The following ATF7 variants were observed in gnomAD, a reference collection of about 807,000 sequenced individuals.
The protein encoded by ATF7 is cyclic AMP-dependent transcription factor ATF-7.
Under a neutral mutation model 50.4 loss-of-function variants are expected in ATF7, and 10 were observed. The observed-to-expected ratio is 0.20, with a 90% CI of 0.12 to 0.34. The LOEUF (loss-of-function observed/expected upper bound fraction) is 0.34, where lower values mean the gene tolerates loss of function less well. Ranked by LOEUF, ATF7 falls within the 10% of genes least tolerant of loss-of-function variation. ATF7 has a pLI of 1.00. For synonymous variants in ATF7, 201 were observed against 226.4 expected (o/e 0.89, Z 1.01); for missense variants, 465 against 613.9 (o/e 0.76, Z 2.56).
chr12:53,531,727 G>A lies in ATF7; in HGVS notation c.927+17C>T, dbSNP rs973666623. The A allele has an allele frequency of 3.7e-6, 6 of 1,604,318 alleles. No individual in the cohort carries two copies. Among genetic ancestry groups the A allele is most frequent in the Non-Finnish European group, 5.1e-6 (6 of 1,175,624 alleles). Reference sequence around the variant, plus strand: ...ATACGTCATAAAGATATGACATAAAGAGTAAGAGCCACTGACCTGTGGCTG... The same window carrying A: ...ATACGTCATAAAGATATGACATAAAAAGTAAGAGCCACTGACCTGTGGCTG... On this transcript the variant is annotated intron_variant, in intron 9 of 11. Coordinates refer to ENST00000420353, the MANE Select transcript of ATF7 (RefSeq NM_006856.3).
chr12:53,543,801 C>A (rs1939714121), intron 3 of ATF7: 2 of 208,368 alleles, frequency 9.6e-6, no homozygotes, highest in Admixed American at 1.1e-4. Flanking sequence ...GATTTGAAAA[C>A]CAAGTATAGT....
chr12:53,587,843 A>ATATATATATATATATATATATTT, intron 2 of ATF7, among the ~76,000 whole-genome samples: 37 of 61,530 alleles, frequency 6.0e-4, no homozygotes, highest in South Asian at 7.4e-4. Flanking sequence ...ATATATATAT[A>ATATATATATATATATATATATTT]TTTTTTTTTT....
chr12:53,550,335 T>TA (rs1565944418), intron 3 of ATF7, among the ~76,000 whole-genome samples: 5 of 109,750 alleles, frequency 4.6e-5, no homozygotes, highest in African/African-American at 1.3e-4. Context: ...AAAAAAAAAA[T>TA]AAATAAATAA....
rs570646933 is a variant in ATF7, at chr12:53,513,223, C to T, written c.*3914G>A. On this transcript the variant is annotated 3_prime_UTR_variant, in exon 12 of 12. Transcript: ENST00000420353. The stretch of plus-strand genomic sequence containing the variant: ...TTTCTCATTCTGGGGTAGGACTTTA[C>T]CCCAAAGAGAGACAACACAGCTGAT... 1 of 152,194 alleles carries T rather than the reference C, an allele frequency of 6.6e-6. No individual in the cohort carries two copies. The highest frequency in any genetic ancestry group is 1.5e-5 in the Non-Finnish European group (1 of 68,038). 9.4% of individuals were successfully genotyped at this position (152,194 alleles called of 1,614,324 possible).
At chr12:53,575,548 C>G in intron 2 of ATF7, 1 of 148,392 alleles carries the variant, frequency 6.7e-6, no homozygotes, top group East Asian at 2.1e-4. Context: ...TGCACTCCAG[C>G]CTGGGCAACA....
chr12:53,546,515 C>A (rs1939928146), intron 3 of ATF7, among the ~76,000 whole-genome samples: 1 of 150,368 alleles, frequency 6.7e-6, no homozygotes, highest in South Asian at 2.1e-4. Flanking sequence ...GCAATGTGAT[C>A]TCGGCTCACT....
At chr12:53,532,330 T>C (rs972636759) in intron 8 of ATF7, among the ~76,000 whole-genome samples, 180 bp downstream of exon 8, 2 of 151,902 alleles carry the variant, frequency 1.3e-5, no homozygotes, top group African/African-American at 4.8e-5. Flanking sequence ...GCTCTAAAGG[T>C]GGGGAGAGGA....
rs570482405 is a variant in ATF7 at position 53,537,470 on chromosome 12, G to A, written c.347C>T (p.Ser116Leu). 6.2e-6 allele frequency: 10 copies of A among 1,613,786 alleles called. No homozygotes were observed. Among genetic ancestry groups the A allele is most frequent in the South Asian group, 3.3e-5 (3 of 91,068 alleles). Residue 116 changes from serine (S) to leucine (L), a missense_variant, in exon 5 of 12, where the codon TCA (serine) becomes TTA (leucine). Transcript: ENST00000420353. ...AGAGGCAGGGCTATCAGGTGGGGAT[G>A]AGTCTACCTCCACTGGCTCTTCTTC... The part of the protein sequence containing the change: ...IKEEEPVEVD[S>L]SPPDSPASSP...
At chr12:53,511,250 C>T (rs1425782353), downstream of ATF7, among the ~76,000 whole-genome samples, 1 of 152,172 alleles carries the variant, frequency 6.6e-6, no homozygotes, top group Non-Finnish European at 1.5e-5. Context: ...CTTGTGAACT[C>T]TTACCTGCTT....
chr12:53,535,816 T>C (rs536507837), intron 5 of ATF7, among the ~76,000 whole-genome samples: 4 of 152,260 alleles, frequency 2.6e-5, no homozygotes, highest in East Asian at 3.9e-4. Flanking sequence ...CACTTATTAA[T>C]TGAAGTATAA....
chr12:53,523,304 T>C lies in ATF7; in HGVS notation c.1206A>G (p.Ala402=), dbSNP rs1383022732. Residue 402 remains alanine, a synonymous_variant, in exon 11 of 12, where the codon GCA becomes GCG. Transcript: ENST00000420353. ...LLAHKDCPVT[A]LQKKTQGYLE... is the part of the protein sequence containing the mutation. The stretch of plus-strand genomic sequence containing the variant: ...AATAGCCTTGAGTCTTTTTCTGTAG[T>C]GCAGTGACTGGGCAGTCTTTATGAG... The C allele has an allele frequency of 1.2e-6, 2 of 1,613,770 alleles. No homozygotes were observed. The highest frequency in any genetic ancestry group is 1.3e-5 in the African/African-American group (1 of 74,938).
intron 1 of ATF7, among the ~76,000 whole-genome samples, chr12:53,607,563 G>T (rs564517440): frequency 4.0e-5 from 6 of 151,712 alleles, no homozygotes; most frequent in South Asian, 4.2e-4. Flanking sequence ...ATAAATTAAG[G>T]TACTGCCTTA....
intron 2 of ATF7, among the ~76,000 whole-genome samples, chr12:53,562,070 T>C (rs1941155835): frequency 6.6e-6 from 1 of 152,242 alleles, no homozygotes; most frequent in Admixed American, 6.5e-5. Flanking sequence ...GCTGTTGGAA[T>C]ATCTTAAAGA....
At chr12:53,587,843 A>ATATATATATTTT in intron 2 of ATF7, among the ~76,000 whole-genome samples, 78 of 61,536 alleles carry the variant, frequency 1.3e-3, no homozygotes, top group African/African-American at 1.8e-3. Flanking sequence ...ATATATATAT[A>ATATATATATTTT]TTTTTTTTTT....
intron 2 of ATF7, among the ~76,000 whole-genome samples, chr12:53,572,727 G>A (rs1159060207): frequency 6.6e-6 from 1 of 151,974 alleles, no homozygotes; most frequent in Non-Finnish European, 1.5e-5. Flanking sequence ...TGGGAGGACC[G>A]CTTGAGCCCA....
intron 11 of ATF7, 30 bp from the exon 12 acceptor site, chr12:53,517,384 G>T: frequency 1.3e-6 from 2 of 1,589,560 alleles, no homozygotes; most frequent in Non-Finnish European, 1.7e-6. Context: ...AGAGCAGAGA[G>T]CAATTGGTTA....
chr12:53,548,581 C>T (rs1045880580), intron 3 of ATF7, among the ~76,000 whole-genome samples: 5 of 152,268 alleles, frequency 3.3e-5, no homozygotes, highest in Middle Eastern at 3.4e-3. Flanking sequence ...GATCCTCCTA[C>T]CTCGGCCTCT....
intron 9 of ATF7, among the ~76,000 whole-genome samples, chr12:53,526,010 A>G (rs1213183414): frequency 6.6e-6 from 1 of 151,986 alleles, no homozygotes; most frequent in Non-Finnish European, 1.5e-5. Flanking sequence ...CGGGAGTTTG[A>G]TATCAGCCTG....
At chr12:53,538,009 G>A (rs972725654) in intron 4 of ATF7, among the ~76,000 whole-genome samples, 1 of 151,586 alleles carries the variant, frequency 6.6e-6, no homozygotes, top group African/African-American at 2.4e-5. Context: ...ACTGCATCCG[G>A]CCAAGAAATA....
Sources: allele counts gnomAD v4.1 joint callset (sites outside exome capture counted in the v4.1 genomes callset), GRCh38; gene constraint gnomAD v4.1.1; transcripts MANE v1.5; gene names NCBI Gene and HGNC (gene_info 2026-07-23, HGNC 2026-07-21).